CDHR2: variants seen among roughly 807,000 people sequenced by gnomAD.
The protein encoded by CDHR2 is cadherin-related family member 2.
In CDHR2, 104 loss-of-function variants were observed where a neutral mutation model predicts 138.6. The ratio of observed to expected loss-of-function variants is 0.75; its 90% CI spans 0.64 to 0.88. CDHR2 has a LOEUF of 0.88. Among genes scored for constraint, CDHR2 ranks in the 40% least tolerant of loss-of-function variants. The pLI is 0.00. For missense variants in CDHR2, 1,624 were observed against 1,727.6 expected, an observed-to-expected ratio of 0.94 and a Z score of 1.06; for synonymous variants, 755 against 742.8, an observed-to-expected ratio of 1.02 and a Z score of -0.27.
At chr5:176,586,691 G>A (rs2113321134) in intron 20 of CDHR2, 102 bp from the exon 21 acceptor site, 2 of 1,025,426 alleles carry the variant, frequency 2.0e-6, no homozygotes, top group South Asian at 1.4e-5. Flanking sequence ...GAGGTTGAGG[G>A]CAGGTTTAGG....
rs1182087089 is a variant in CDHR2, at chr5:176,543,859, G to T, written c.-16+1090G>T. The T allele has an allele frequency of 1.3e-5, 2 of 152,552 alleles. No individual in the cohort carries two copies. Among genetic ancestry groups the T allele is most frequent in the East Asian group, 3.9e-4 (2 of 5,176 alleles). 9.4% of individuals were successfully genotyped at this position (152,552 alleles called of 1,614,324 possible). A position where few individuals can be genotyped will look rare whatever the true frequency, so the allele number is the denominator to read the frequency against. ...TGGGAGACTCCAGTGACAACAAAACGAGGCGGCCGGCCGAGACATCGGGAG... is the reference window on the plus strand; with the variant it reads ...TGGGAGACTCCAGTGACAACAAAACTAGGCGGCCGGCCGAGACATCGGGAG... On this transcript the variant is annotated intron_variant, in intron 1 of 31. Transcript: ENST00000510636. This position sits in a 1 kb window ranked among gnomAD's most constrained non-coding sequence, Gnocchi z 4.0.
At chr5:176,560,340 G>A (rs12516453) in intron 1 of CDHR2, among the ~76,000 whole-genome samples, 24,969 of 151,632 alleles carry the variant, frequency 0.16, 2,835 homozygotes, top group East Asian at 0.5. Flanking sequence ...AGGTTGCAGT[G>A]AGCCAAGATC....
Position 176,543,199 on chromosome 5 carries a change from C to A in CDHR2, c.-16+430C>A, listed in dbSNP as rs529097481. Among the ~76,000 whole-genome samples the A allele has an allele frequency of 6.7e-5, 10 of 148,876 alleles. No homozygotes were observed. Among genetic ancestry groups the A allele is most frequent in the African/African-American group, 2.4e-4 (10 of 41,166 alleles). ...CCGCCGGCCCGCGGCCGCCCCCTAC[C>A]GCCGCGTGCTCGCCGGCCCTGCGCC... On this transcript the variant is annotated intron_variant, in intron 1 of 31. Transcript: ENST00000510636. This position sits in a 1 kb window ranked among gnomAD's most constrained non-coding sequence, Gnocchi z 4.0.
At chr5:176,583,860 GGGTCGCA>G (rs1205147262) in intron 17 of CDHR2, among the ~76,000 whole-genome samples, 4 of 152,264 alleles carry the variant, frequency 2.6e-5, no homozygotes, top group Non-Finnish European at 4.4e-5. Context: ...GGGCCAGGCA[GGGTCGCA>G]GGTGGGGACC....
At chr5:176,567,031 G>T in intron 3 of CDHR2, 1 of 456,232 alleles carries the variant, frequency 2.2e-6, no homozygotes, top group Non-Finnish European at 4.4e-6. Context: ...ACCTGTGCAA[G>T]CAATCCCCTG....
chr5:176,581,726 C>T, intron 17 of CDHR2, 144 bp downstream of exon 17: 2 of 1,067,974 alleles, frequency 1.9e-6, no homozygotes, highest in East Asian at 2.4e-5. Context: ...GGCAATTACT[C>T]AACCTCCCTA....
At chr5:176,557,942 G>A (rs1262606722) in intron 1 of CDHR2, among the ~76,000 whole-genome samples, 3 of 151,864 alleles carry the variant, frequency 2.0e-5, no homozygotes, top group South Asian at 4.2e-4. Context: ...TCCAGACCGC[G>A]TGATCCACCC....
upstream of CDHR2, chr5:176,547,545 C>T (rs967090024): frequency 1.3e-5 from 2 of 151,342 alleles, no homozygotes; most frequent in South Asian, 2.1e-4. Context: ...TGGGCTGGTT[C>T]AGCCTTTCTG....
intron 16 of CDHR2, among the ~76,000 whole-genome samples, chr5:176,579,026 T>A (rs959636160): frequency 4.6e-5 from 7 of 151,970 alleles, no homozygotes; most frequent in Non-Finnish European, 1.0e-4. Context: ...TTGCTTGGAG[T>A]GAGCTGCAAA....
intron 5 of CDHR2, 62 bp downstream of exon 5, chr5:176,569,072 C>A: frequency 6.6e-7 from 1 of 1,523,330 alleles, no homozygotes; most frequent in Non-Finnish European, 9.0e-7. Flanking sequence ...GATTGTGTCC[C>A]CACCTCCGGC....
chr5:176,559,956 G>A (rs533144479), intron 1 of CDHR2, among the ~76,000 whole-genome samples: 84 of 152,282 alleles, frequency 5.5e-4, no homozygotes, highest in South Asian at 2.5e-3. Context: ...TGGTTGAGGC[G>A]TGGCTTTGGA....
In CDHR2 at chr5:176,586,032, A is replaced by G; in HGVS notation, c.2806+7A>G. 4 of 1,612,764 alleles carry G rather than the reference A, an allele frequency of 2.5e-6. No homozygotes were observed. The East Asian group carries it at 8.9e-5, about 36-fold the overall frequency. ...CCTGAGAATAAGACTTTTGGTAAGC[A>G]GCAACCCCATTCACACACCATACCC... On this transcript the variant is annotated splice_region_variant and intron_variant, in intron 20 of 31. Coordinates refer to ENST00000261944, the MANE Select transcript of CDHR2 (RefSeq NM_017675.6).
chr5:176,589,755 T>C (rs1021221200), intron 24 of CDHR2, 139 bp downstream of exon 24: 4 of 756,726 alleles, frequency 5.3e-6, no homozygotes, highest in African/African-American at 5.2e-5. Flanking sequence ...AACCCTGTAC[T>C]TTCACCTGCA....
chr5:176,552,060 C>T (rs78633031), intron 1 of CDHR2, among the ~76,000 whole-genome samples: 12,863 of 152,212 alleles, frequency 0.085, 643 homozygotes, highest in East Asian at 0.17. Flanking sequence ...CCCAGGGGTA[C>T]GGTTGTGCAG....
chr5:176,568,701 G>A lies in CDHR2; in HGVS notation c.148G>A (p.Ala50Thr). 1 of 1,614,208 alleles carries A rather than the reference G, an allele frequency of 6.2e-7. No individual in the cohort carries two copies. Among genetic ancestry groups the A allele is most frequent in the Admixed American group, 1.7e-5 (1 of 60,034 alleles). Residue 50 changes from alanine to threonine, a missense_variant, in exon 4 of 32, where the codon GCG becomes ACG. Around this residue, in one of 3 missense-constraint regions of CDHR2, gnomAD observed 1,061 missense variants for 1,136.6 expected, o/e 0.93. Transcript: ENST00000261944. ...AGGTGCCCAGGCCTTCTGGTTGGTA[G>A]CGGAAGACCAGGACAATGACCCTCT... ...PVGAQAFWLVAEDQDNDPLTY... is the reference protein window; with the variant it reads ...PVGAQAFWLVTEDQDNDPLTY...
At position 176,575,152 on chromosome 5, in the gene CDHR2, T is replaced by A. The variant is rs774055040; in HGVS notation, c.564T>A (p.Asn188Lys). 6.2e-7 allele frequency: 1 copy of A among 1,614,196 alleles called. No individual in the cohort carries two copies. The highest frequency in any genetic ancestry group is 2.2e-5 in the East Asian group (1 of 44,886). ...TGGCCAATGGCTCCATAGTCCTCAA[T>A]GGCAGCCTCAGCTACAACAACAAGA... ...RILANGSIVL[N>K]GSLSYNNKSA... is the part of the protein sequence containing the mutation. Residue 188 changes from asparagine to lysine, a missense_variant, in exon 8 of 32, where the codon AAT becomes AAA. Transcript: ENST00000261944.
In CDHR2 at chr5:176,543,789, C is replaced by G. The variant is rs931994842; in HGVS notation, c.-16+1020C>G. On this transcript the variant is annotated intron_variant, in intron 1 of 31. Transcript: ENST00000510636. The surrounding 1 kb of genome is among the most constrained non-coding windows in gnomAD (Gnocchi z 4.0). ...GGGCCATTCTCTGACCCTCACTTTT[C>G]AAGTCTGCGGAATGGAATTGATGAT... is the stretch of plus-strand genomic sequence containing the variant. The G allele has an allele frequency of 4.6e-5, 7 of 152,356 alleles. No homozygotes were observed. Among genetic ancestry groups the G allele is most frequent in the African/African-American group, 1.7e-4 (7 of 41,572 alleles). The allele number at this position is 152,356 out of a possible 1,614,324, so 9.4% of individuals were successfully genotyped here. A position where few individuals can be genotyped will look rare whatever the true frequency, so the allele number is the denominator to read the frequency against.
chr5:176,572,489 A>G (rs946963140), intron 6 of CDHR2, among the ~76,000 whole-genome samples: 1 of 152,248 alleles, frequency 6.6e-6, no homozygotes, highest in Admixed American at 6.5e-5. Flanking sequence ...TTTCCAGCCC[A>G]AAGCCCAGGG....
intron 19 of CDHR2, among the ~76,000 whole-genome samples, chr5:176,585,583 G>A (rs1343369585): frequency 6.6e-6 from 1 of 152,206 alleles, no homozygotes; most frequent in African/African-American, 2.4e-5. Context: ...TGTCATAGGT[G>A]AGATCTACCT....
Sources: allele counts gnomAD v4.1 joint callset (sites outside exome capture counted in the v4.1 genomes callset), GRCh38; gene constraint gnomAD v4.1.1; regional missense constraint gnomAD v4.1.1; non-coding constraint Gnocchi (gnomAD v3.1); transcripts MANE v1.5; gene names NCBI Gene and HGNC (gene_info 2026-07-23, HGNC 2026-07-21).